Variants in PPARGC1B observed in about 807,000 individuals in gnomAD.
The protein encoded by PPARGC1B is peroxisome proliferator-activated receptor gamma coactivator 1-beta.
Under a neutral mutation model 101.6 loss-of-function variants are expected in PPARGC1B, and 34 were observed. The observed-to-expected ratio is 0.33, with a 90% CI of 0.25 to 0.45. PPARGC1B has a LOEUF of 0.45. Among genes scored for constraint, PPARGC1B ranks in the 20% least tolerant of loss-of-function variants. The pLI, the probability that PPARGC1B is intolerant of heterozygous loss-of-function variation, is 1.00. For synonymous variants in PPARGC1B, 548 were observed against 539.3 expected (o/e 1.02, Z -0.22); for missense variants, 1,234 against 1,317.6 (o/e 0.94, Z 0.98).
Position 149,835,326 on chromosome 5 carries a change from T to G in PPARGC1B, c.1768T>G (p.Phe590Val). Residue 590 changes from phenylalanine (F) to valine (V), a missense_variant, in exon 7 of 12, where the codon TTT becomes GTT. Physicochemically the swap from Phe to Val is conservative, Grantham distance 50. Around this residue, in one of 3 missense-constraint regions of PPARGC1B, gnomAD observed 734 missense variants for 768.4 expected, o/e 0.96. Coordinates refer to ENST00000309241, the MANE Select transcript of PPARGC1B (RefSeq NM_133263.4). ...QSDPTFGKKS[F>V]EQTLTVELCG... is the part of the protein sequence containing the mutation. ...CGACCCAACTTTTGGCAAGAAGAGC[T>G]TTGAGCAGACCTTGACAGTGGAGCT... The G allele has an allele frequency of 1.2e-6, 2 of 1,614,196 alleles. No homozygotes were observed. The highest frequency in any genetic ancestry group is 8.5e-7 in the Non-Finnish European group (1 of 1,180,024).
chr5:149,787,768 C>T (rs999372241), intron 1 of PPARGC1B, among the ~76,000 whole-genome samples: 11 of 152,152 alleles, frequency 7.2e-5, no homozygotes, highest in African/African-American at 2.2e-4. Context: ...AGCACCCTGT[C>T]GGCCAATCAT....
At chr5:149,762,181 G>A (rs1448060646) in intron 1 of PPARGC1B, among the ~76,000 whole-genome samples, 1 of 147,548 alleles carries the variant, frequency 6.8e-6, no homozygotes, top group Non-Finnish European at 1.5e-5. Flanking sequence ...TTGAGATGGA[G>A]TCTGTCTCCT....
intron 1 of PPARGC1B, among the ~76,000 whole-genome samples, chr5:149,794,689 A>G (rs367677876): frequency 1.4e-4 from 21 of 152,218 alleles, no homozygotes; most frequent in African/African-American, 4.3e-4. Flanking sequence ...GCTTTGCCCT[A>G]TATAAGGAGG....
intron 1 of PPARGC1B, among the ~76,000 whole-genome samples, chr5:149,780,537 C>T (rs1250828583): frequency 6.6e-6 from 1 of 152,174 alleles, no homozygotes; most frequent in African/African-American, 2.4e-5. Context: ...ATTTGATGAT[C>T]TGTTATTCCT....
intron 1 of PPARGC1B, among the ~76,000 whole-genome samples, chr5:149,772,990 C>T (rs1024034986): frequency 1.2e-4 from 18 of 152,188 alleles, no homozygotes; most frequent in African/African-American, 4.1e-4. Context: ...GCTGTGGTGG[C>T]GTTGCAGGAG....
chr5:149,792,287 C>T (rs567488115), intron 1 of PPARGC1B, among the ~76,000 whole-genome samples: 6 of 152,254 alleles, frequency 3.9e-5, no homozygotes, highest in Admixed American at 2.0e-4. Flanking sequence ...GGGGAGACTT[C>T]GGAATTTTCT....
At chr5:149,746,449 G>A (rs1236366311) in intron 1 of PPARGC1B, among the ~76,000 whole-genome samples, 3 of 152,154 alleles carry the variant, frequency 2.0e-5, no homozygotes, top group Admixed American at 1.3e-4. Context: ...CCTTTTTCAG[G>A]TAGAATAATA....
intron 1 of PPARGC1B, chr5:149,818,699 T>C (rs982977552): frequency 7.9e-6 from 3 of 379,646 alleles, no homozygotes; most frequent in Non-Finnish European, 1.6e-5. Flanking sequence ...TTTTGTTCTC[T>C]GAGAAGTTCC....
rs1266004914 is a variant in PPARGC1B, at chr5:149,847,828, C to T, written c.*270C>T. ...CCAACGGGTTGTCCCGGGTGCACCT[C>T]GAAGTGCCGGGTCCGTCACCCATCG... On this transcript the variant is annotated 3_prime_UTR_variant, in exon 12 of 12. Transcript: ENST00000309241. 6 of 466,610 alleles carry T rather than the reference C, an allele frequency of 1.3e-5. No individual in the cohort carries two copies. The highest frequency in any genetic ancestry group is 6.4e-5 in the South Asian group (2 of 31,030). The allele number at this position is 466,610 out of a possible 1,614,324, so 28.9% of individuals were successfully genotyped here.
Position 149,734,123 on chromosome 5 carries a change from A to T in PPARGC1B, c.78+3703A>T, listed in dbSNP as rs1229349284. 9.2e-5 allele frequency among the ~76,000 whole-genome samples: 14 copies of T among 152,058 alleles called. No homozygotes were observed. In the South Asian group the frequency reaches 1.9e-3, roughly 20 times the overall value. On this transcript the variant is annotated intron_variant, in intron 1 of 11. Coordinates refer to ENST00000309241, the MANE Select transcript of PPARGC1B (RefSeq NM_133263.4). The stretch of plus-strand genomic sequence containing the variant: ...AATCACCTGAGGTCAGGAGTTCCGG[A>T]CCAGCCTGGCCAACATGGTGAAATC...
chr5:149,820,349 T>A, intron 1 of PPARGC1B, 84 bp from the exon 2 acceptor site: 1 of 1,344,246 alleles, frequency 7.4e-7, no homozygotes, highest in Non-Finnish European at 1.0e-6. Context: ...GGGTCCAGAT[T>A]AGCTGCATCA....
At chr5:149,768,877 A>G (rs1756019406) in intron 1 of PPARGC1B, among the ~76,000 whole-genome samples, 1 of 150,980 alleles carries the variant, frequency 6.6e-6, no homozygotes, top group East Asian at 1.9e-4. Context: ...CTGCTCTTGA[A>G]CTCCTGAGCT....
At chr5:149,736,634 GCACCCGACTTTGTCTTCTTC>G (rs543882455) in intron 1 of PPARGC1B, among the ~76,000 whole-genome samples, 1 of 152,260 alleles carries the variant, frequency 6.6e-6, no homozygotes, top group East Asian at 1.9e-4. Flanking sequence ...GATCTTTGCT[GCACCCGACTTTGTCTTCTTC>G]CATTTGCCCT....
In PPARGC1B at chr5:149,836,891, A is replaced by G. The variant is rs1561623818; in HGVS notation, c.2436A>G (p.Glu812=). The part of the protein sequence containing the change: ...SSFLPEEEEE[E]GEEEEEDDEE... ...TCCTCCCAGAGGAGGAAGAGGAAGAAGGGGAGGAGGAGGAGGAGGACGATG... is the reference window on the plus strand; with the variant it reads ...TCCTCCCAGAGGAGGAAGAGGAAGAGGGGGAGGAGGAGGAGGAGGACGATG... The change falls in exon 8 of 12, where the codon GAA becomes GAG. Residue 812 remains glutamate (E), a synonymous_variant. Coordinates refer to ENST00000309241, the MANE Select transcript of PPARGC1B (RefSeq NM_133263.4). The G allele has an allele frequency of 1.2e-6, 2 of 1,613,236 alleles. No homozygotes were observed. Among genetic ancestry groups the G allele is most frequent in the African/African-American group, 2.7e-5 (2 of 75,036 alleles).
At chr5:149,817,754 C>T (rs745549707) in intron 1 of PPARGC1B, 9 of 456,586 alleles carry the variant, frequency 2.0e-5, no homozygotes, top group Non-Finnish European at 4.0e-5. Context: ...GAATTGAACT[C>T]ATACAGCTGA....
chr5:149,846,067 T>C (rs1224045444), intron 11 of PPARGC1B, 153 bp downstream of exon 11: 1 of 844,904 alleles, frequency 1.2e-6, no homozygotes, highest in African/African-American at 1.7e-5. Context: ...GCAGCCACTT[T>C]GCCTGAAGAC....
Position 149,834,676 on chromosome 5 carries a change from T to C in PPARGC1B, c.1708T>C (p.Ser570Pro). 6.2e-7 allele frequency: 1 copy of C among 1,613,336 alleles called. No homozygotes were observed. Among genetic ancestry groups the C allele is most frequent in the South Asian group, 1.1e-5 (1 of 91,028 alleles). The stretch of plus-strand genomic sequence containing the variant: ...ATTTTTCTGTGTCTTCTTTTCAGAC[T>C]CTCCCAGGTGCCTCATGCTGGCCTT... The part of the protein sequence containing the change: ...PSCPQLPPRD[S>P]PRCLMLALSQ... The change falls in exon 6 of 12, where the codon TCT becomes CCT. Residue 570 changes from serine to proline, a missense_variant and splice_region_variant. Ser to Pro is a moderately conservative substitution (Grantham distance 74, BLOSUM62 -1). Transcript: ENST00000309241.
intron 1 of PPARGC1B, among the ~76,000 whole-genome samples, chr5:149,747,944 G>A (rs993903095): frequency 3.3e-5 from 5 of 152,150 alleles, no homozygotes; most frequent in African/African-American, 1.2e-4. Flanking sequence ...GTTCCAGGGA[G>A]AGCAGGGTGG....
intron 1 of PPARGC1B, among the ~76,000 whole-genome samples, chr5:149,750,372 G>A (rs1372990137): frequency 6.7e-6 from 1 of 150,160 alleles, no homozygotes; most frequent in Non-Finnish European, 1.5e-5. Flanking sequence ...CTTTTCCACA[G>A]CATTATTTTA....
Sources: allele counts gnomAD v4.1 joint callset (sites outside exome capture counted in the v4.1 genomes callset), GRCh38; gene constraint gnomAD v4.1.1; regional missense constraint gnomAD v4.1.1; transcripts MANE v1.5; gene names NCBI Gene and HGNC (gene_info 2026-07-23, HGNC 2026-07-21).